The following SP100 variants were observed in gnomAD, a reference collection of about 807,000 sequenced individuals.
SP100 encodes the protein SP100 nuclear body protein.
SP100 carries 84 observed loss-of-function variants against 130.0 expected under a neutral mutation model. That is an observed-to-expected ratio of 0.65 (90% confidence interval 0.54 to 0.77). The LOEUF (loss-of-function observed/expected upper bound fraction) is 0.77. Among genes scored for constraint, SP100 ranks in the 30% least tolerant of loss-of-function variants. SP100 has a pLI of 0.00. For missense variants in SP100, 978 were observed against 1,052.2 expected (o/e 0.93, Z 0.97); for synonymous variants, 331 against 351.7 (o/e 0.94, Z 0.66).
chr2:230,435,864 C>G (rs755445012), intron 2 of SP100, among the ~76,000 whole-genome samples: 7 of 152,046 alleles, frequency 4.6e-5, no homozygotes, highest in Non-Finnish European at 7.4e-5. Context: ...AAATCGCCAT[C>G]AATTATAGAC....
chr2:230,491,725 G>A (rs2066401708), intron 17 of SP100, among the ~76,000 whole-genome samples: 1 of 152,122 alleles, frequency 6.6e-6, no homozygotes, highest in African/African-American at 2.4e-5. Context: ...CTTCCACCAG[G>A]CCCCTCCCCC....
chr2:230,474,989 G>A (rs981161906), intron 17 of SP100, among the ~76,000 whole-genome samples: 1 of 151,676 alleles, frequency 6.6e-6, no homozygotes, highest in African/African-American at 2.4e-5. Flanking sequence ...GCACTATAAG[G>A]AACATATGAG....
rs571467481 is a variant in SP100 at position 230,433,254 on chromosome 2, A to T, written c.108-9683A>T. Among the ~76,000 whole-genome samples, 3 of 152,316 alleles carry T rather than the reference A, an allele frequency of 2.0e-5. No individual in the cohort carries two copies. In the East Asian group the frequency reaches 5.8e-4, roughly 29 times the overall value. ...TATACTAGTACTATTTGTTGAAAAG[A>T]CTATCTTTTCCTCATTTAATTGCCT... is the stretch of plus-strand genomic sequence containing the variant. On this transcript the variant is annotated intron_variant, in intron 2 of 28. Transcript: ENST00000340126.
intron 10 of SP100, chr2:230,463,501 A>T (rs2064777116): frequency 6.6e-6 from 1 of 152,284 alleles, no homozygotes; most frequent in East Asian, 1.9e-4. Context: ...GTTATAAAAT[A>T]ACAATGTAAT....
intron 15 of SP100, among the ~76,000 whole-genome samples, chr2:230,472,427 C>CAAAAA (rs201703163): frequency 7.8e-4 from 48 of 61,292 alleles, no homozygotes; most frequent in East Asian, 3.1e-3. Context: ...GACTCCGTCT[C>CAAAAA]AAAAAAAAAA....
chr2:230,512,445 A>C (rs1389362988), intron 24 of SP100, among the ~76,000 whole-genome samples: 2 of 151,884 alleles, frequency 1.3e-5, no homozygotes, highest in Admixed American at 1.3e-4. Context: ...GTGTGCCACC[A>C]TGCCTGGCTG....
intron 17 of SP100, among the ~76,000 whole-genome samples, chr2:230,476,484 A>AT (rs1406308784): frequency 6.6e-6 from 1 of 151,832 alleles, no homozygotes; most frequent in Admixed American, 6.6e-5. Flanking sequence ...GTAGCCATTT[A>AT]TTTTTTTCAA....
At chr2:230,542,772 T>C (rs1692228748) in intron 28 of SP100, 64 bp from the exon 29 acceptor site, 2 of 925,166 alleles carry the variant, frequency 2.2e-6, no homozygotes, top group Admixed American at 1.9e-5. Flanking sequence ...CCAGATTATC[T>C]GCAACACTGG....
chr2:230,503,059 T>G lies in SP100; in HGVS notation c.1721-7T>G, dbSNP rs1204064117. On this transcript the variant is annotated splice_region_variant and splice_polypyrimidine_tract_variant and intron_variant, in intron 19 of 28. Coordinates refer to ENST00000340126, the MANE Select transcript of SP100 (RefSeq NM_001080391.2). ...GAGACATTTATGTTGTTTTTCAACT[T>G]TCTCAGGAAGAAAAGCCAACACTAG... 2 of 1,595,170 alleles carry G rather than the reference T, an allele frequency of 1.3e-6. No individual in the cohort carries two copies. The highest frequency in any genetic ancestry group is 1.7e-6 in the Non-Finnish European group (2 of 1,168,988).
chr2:230,440,527 T>C (rs1171490784), intron 2 of SP100: 25 of 1,342,302 alleles, frequency 1.9e-5, no homozygotes, highest in Non-Finnish European at 2.2e-5. Flanking sequence ...TTCTAAAAAC[T>C]ATAAGCAGTG....
Position 230,478,784 on chromosome 2 carries a change from T to G in SP100, c.1600+4337T>G, listed in dbSNP as rs144296774. Among the ~76,000 whole-genome samples, 5 of 152,170 alleles carry G rather than the reference T, an allele frequency of 3.3e-5. No homozygotes were observed. The South Asian group carries it at 6.2e-4, about 19-fold the overall frequency. On this transcript the variant is annotated intron_variant, in intron 17 of 28. Transcript: ENST00000340126. Reference sequence around the variant, plus strand: ...CTGGGAAAAATAGAGGTGCCTGAAATGAATTTCACCTAAAAACAGTGAAAT... The same window carrying G: ...CTGGGAAAAATAGAGGTGCCTGAAAGGAATTTCACCTAAAAACAGTGAAAT...
chr2:230,458,549 T>C (rs974057423), intron 8 of SP100, among the ~76,000 whole-genome samples: 7 of 152,230 alleles, frequency 4.6e-5, no homozygotes, highest in Non-Finnish European at 8.8e-5. Flanking sequence ...ATGGTATCCA[T>C]ACATTGTCAT....
rs566657948 is a variant in SP100, at chr2:230,544,580, C to T, written c.*1634C>T. ...TTGGCTCACCACAACCTCTGCCTCC[C>T]GGGTTCAAGCAATTCTCCTGCCTCA... is the stretch of plus-strand genomic sequence containing the variant. On this transcript the variant is annotated 3_prime_UTR_variant, in exon 29 of 29. Coordinates refer to ENST00000340126, the MANE Select transcript of SP100 (RefSeq NM_001080391.2). 3.9e-5 allele frequency among the ~76,000 whole-genome samples: 6 copies of T among 152,256 alleles called. No homozygotes were observed. The highest frequency in any genetic ancestry group is 1.9e-4 in the East Asian group (1 of 5,182).
At chr2:230,434,455 G>GA (rs1370720905) in intron 2 of SP100, among the ~76,000 whole-genome samples, 1 of 152,118 alleles carries the variant, frequency 6.6e-6, no homozygotes, top group African/African-American at 2.4e-5. Context: ...AGATACTCAA[G>GA]AAAAATCAGT....
At chr2:230,464,845 C>A (rs978459989) in intron 11 of SP100, among the ~76,000 whole-genome samples, 1 of 152,146 alleles carries the variant, frequency 6.6e-6, no homozygotes, top group African/African-American at 2.4e-5. Flanking sequence ...ATAATCCCAG[C>A]ACTTTGGGAG....
At chr2:230,514,256 G>A (rs1690775235) in intron 24 of SP100, among the ~76,000 whole-genome samples, 1 of 152,102 alleles carries the variant, frequency 6.6e-6, no homozygotes, top group Admixed American at 6.6e-5. Flanking sequence ...ACTTTTCTTG[G>A]AAGAAATAAA....
chr2:230,535,416 C>A (rs936714028), intron 24 of SP100, among the ~76,000 whole-genome samples: 11 of 152,100 alleles, frequency 7.2e-5, no homozygotes, highest in Admixed American at 1.3e-4. Context: ...CTACACTGAA[C>A]AAATGGAGGC....
At chr2:230,434,667 A>T (rs114158181) in intron 2 of SP100, among the ~76,000 whole-genome samples, 1 of 152,026 alleles carries the variant, frequency 6.6e-6, no homozygotes. Context: ...TGTGATTGTG[A>T]TTTTTAGATA....
chr2:230,492,155 C>T (rs2066425023), intron 17 of SP100, among the ~76,000 whole-genome samples: 1 of 152,148 alleles, frequency 6.6e-6, no homozygotes, highest in Non-Finnish European at 1.5e-5. Flanking sequence ...TAGGCTGTGC[C>T]ATTACCATGT....
Sources: gnomAD v4.1 joint callset for allele counts (sites outside exome capture counted in the v4.1 genomes callset) on GRCh38, gnomAD v4.1.1 for gene constraint, MANE v1.5 for transcripts, NCBI Gene and HGNC (gene_info 2026-07-23, HGNC 2026-07-21) for gene names.